Variants in ZMAT5 observed in about 807,000 individuals in gnomAD.
ZMAT5 encodes the protein zinc finger matrin-type protein 5.
A neutral mutation model predicts 28.0 loss-of-function variants in ZMAT5; 23 were observed. That is an observed-to-expected ratio of 0.82 (90% confidence interval 0.59 to 1.16). ZMAT5 has a LOEUF of 1.16. Among genes scored for constraint, ZMAT5 ranks in the 50% most tolerant of loss-of-function variants. The pLI is 0.00. For synonymous variants in ZMAT5, 76 were observed against 84.1 expected, an observed-to-expected ratio of 0.90 and a Z score of 0.52; for missense variants, 173 against 212.7, an observed-to-expected ratio of 0.81 and a Z score of 1.16.
At chr22:29,737,595 C>G (rs938897944) in intron 5 of ZMAT5, among the ~76,000 whole-genome samples, 5 of 152,200 alleles carry the variant, frequency 3.3e-5, no homozygotes, top group African/African-American at 1.2e-4. Flanking sequence ...GCATGCGGCT[C>G]CTGGGCGCAG....
intron 2 of ZMAT5, chr22:29,746,903 G>A (rs932715556): frequency 1.3e-5 from 2 of 152,100 alleles, no homozygotes; most frequent in East Asian, 1.9e-4. Flanking sequence ...TAACACCAGG[G>A]TTAGAGTCTC....
At chr22:29,754,596 TGC>T (rs2068082631) in intron 1 of ZMAT5, among the ~76,000 whole-genome samples, 1 of 152,192 alleles carries the variant, frequency 6.6e-6, no homozygotes, top group Admixed American at 6.5e-5. Context: ...AGTAGCCAGC[TGC>T]AATGGCTCAG....
chr22:29,732,476 G>A lies in ZMAT5; in HGVS notation c.384-1122C>T, dbSNP rs562846510. Among the ~76,000 whole-genome samples the A allele has an allele frequency of 5.3e-5, 8 of 152,268 alleles. No individual in the cohort carries two copies. In the South Asian group the frequency reaches 1.7e-3, roughly 32 times the overall value. On this transcript the variant is annotated intron_variant, in intron 5 of 5. Coordinates refer to ENST00000344318, the MANE Select transcript of ZMAT5 (RefSeq NM_001003692.2). ...ACATTGGCCGGGCGCAGTGACTCAC[G>A]CCTGTAATCCCAGCGCTTTGGGAGG...
intron 1 of ZMAT5, among the ~76,000 whole-genome samples, chr22:29,761,425 A>T (rs928955302): frequency 1.4e-4 from 21 of 152,212 alleles, no homozygotes; most frequent in African/African-American, 3.1e-4. Context: ...AATAATTTTT[A>T]AAAAATTAGC....
At chr22:29,758,520 G>C (rs1025811296) in intron 1 of ZMAT5, among the ~76,000 whole-genome samples, 5 of 151,990 alleles carry the variant, frequency 3.3e-5, no homozygotes, top group Non-Finnish European at 7.4e-5. Context: ...CTACTTGGGG[G>C]GCTGAGGTGG....
chr22:29,742,501 G>A lies in ZMAT5; in HGVS notation c.128-21C>T, dbSNP rs777960424. On this transcript the variant is annotated intron_variant, in intron 2 of 5. Coordinates refer to ENST00000344318, the MANE Select transcript of ZMAT5 (RefSeq NM_001003692.2). ...TGCATCTGCGAGAGAAGAGAGGGAC[G>A]GGATTCGGATGGTTCAGGCTCCACC... 1.1e-5 allele frequency: 18 copies of A among 1,610,826 alleles called. No homozygotes were observed. In the East Asian group the frequency reaches 1.3e-4, roughly 12 times the overall value.
chr22:29,734,344 G>A (rs2067883657), intron 5 of ZMAT5, among the ~76,000 whole-genome samples: 1 of 152,238 alleles, frequency 6.6e-6, no homozygotes, highest in Non-Finnish European at 1.5e-5. Flanking sequence ...CTCAGCCAGC[G>A]GAGGTTGGAG....
chr22:29,763,962 T>G (rs1040828003), intron 1 of ZMAT5, among the ~76,000 whole-genome samples: 1 of 150,946 alleles, frequency 6.6e-6, no homozygotes, highest in Non-Finnish European at 1.5e-5. Flanking sequence ...AAAATAATAA[T>G]AGTAATAATA....
At chr22:29,741,969 C>T (rs1246028717) in intron 3 of ZMAT5, among the ~76,000 whole-genome samples, 4 of 152,098 alleles carry the variant, frequency 2.6e-5, no homozygotes, top group African/African-American at 9.7e-5. Context: ...TCTCTCTGAC[C>T]TATATGCATC....
intron 1 of ZMAT5, among the ~76,000 whole-genome samples, chr22:29,759,030 AGACT>A (rs2068130629): frequency 6.6e-6 from 1 of 152,168 alleles, no homozygotes; most frequent in African/African-American, 2.4e-5. Flanking sequence ...CCCTGGATGA[AGACT>A]GACAAGGCAA....
intron 4 of ZMAT5, among the ~76,000 whole-genome samples, chr22:29,739,829 A>G (rs2067944779): frequency 6.6e-6 from 1 of 152,262 alleles, no homozygotes; most frequent in African/African-American, 2.4e-5. Flanking sequence ...GGCTGCAGCC[A>G]CAGCACCACT....
At chr22:29,733,277 C>T (rs1267701085) in intron 5 of ZMAT5, among the ~76,000 whole-genome samples, 2 of 152,220 alleles carry the variant, frequency 1.3e-5, no homozygotes, top group Non-Finnish European at 2.9e-5. Context: ...CAGTGGCCAG[C>T]CCTCTGCAGA....
chr22:29,758,439 G>C (rs2068124431), intron 1 of ZMAT5, among the ~76,000 whole-genome samples: 1 of 152,188 alleles, frequency 6.6e-6, no homozygotes, highest in African/African-American at 2.4e-5. Context: ...AACATAGTAA[G>C]ACCCTATCTC....
intron 1 of ZMAT5, among the ~76,000 whole-genome samples, chr22:29,754,406 G>T (rs79282051): frequency 0.071 from 10,760 of 152,288 alleles, 456 homozygotes; most frequent in Non-Finnish European, 0.088. Context: ...AAGGGGCAGC[G>T]GGCAAGGCTA....
intron 2 of ZMAT5, chr22:29,747,969 C>T (rs548913860): frequency 2.0e-5 from 5 of 253,288 alleles, no homozygotes; most frequent in South Asian, 1.8e-4. Flanking sequence ...CCCACCTCCG[C>T]CCCCTGCTTA....
Position 29,766,944 on chromosome 22 carries a change from G to C in ZMAT5, c.-100C>G, listed in dbSNP as rs1347257510. On this transcript the variant is annotated 5_prime_UTR_variant, in exon 1 of 6. Coordinates refer to ENST00000344318, the MANE Select transcript of ZMAT5 (RefSeq NM_001003692.2). ...ACTCGCCCCTCGACGTCTCGCGGAAGGTACCTGGCTCCCCGGTGGCTGCAG... is the reference window on the plus strand; with the variant it reads ...ACTCGCCCCTCGACGTCTCGCGGAACGTACCTGGCTCCCCGGTGGCTGCAG... 1 of 156,860 alleles carries C rather than the reference G, an allele frequency of 6.4e-6. No individual in the cohort carries two copies. Among genetic ancestry groups the C allele is most frequent in the Non-Finnish European group, 1.4e-5 (1 of 70,376 alleles). 9.7% of individuals were successfully genotyped at this position (156,860 alleles called of 1,614,324 possible).
chr22:29,748,256 T>C lies in ZMAT5; in HGVS notation c.127+162A>G, dbSNP rs899439770. On this transcript the variant is annotated intron_variant, in intron 2 of 5. Coordinates refer to ENST00000344318, the MANE Select transcript of ZMAT5 (RefSeq NM_001003692.2). The stretch of plus-strand genomic sequence containing the variant: ...AGCGTTGTTGGGGAAAGAGCTCACC[T>C]ACCAGCCTGCTCCTCTGAGGGCCCA... 4.1e-6 allele frequency: 4 copies of C among 971,266 alleles called. No homozygotes were observed. The African/African-American group carries it at 6.5e-5, about 16-fold the overall frequency. The allele number at this position is 971,266 out of a possible 1,614,324, so 60.2% of individuals were successfully genotyped here. A position where few individuals can be genotyped will look rare whatever the true frequency, so the allele number is the denominator to read the frequency against.
intron 1 of ZMAT5, among the ~76,000 whole-genome samples, chr22:29,766,041 T>G (rs894621823): frequency 1.3e-5 from 2 of 152,032 alleles, no homozygotes; most frequent in Non-Finnish European, 2.9e-5. Context: ...AAGACAAGAC[T>G]CCTTGGCCAG....
rs146041599 is a variant in ZMAT5, at chr22:29,734,154, C to T, written c.384-2800G>A. Among the ~76,000 whole-genome samples, 11 of 152,334 alleles carry T rather than the reference C, an allele frequency of 7.2e-5. No homozygotes were observed. The East Asian group carries it at 2.1e-3, about 29-fold the overall frequency. ...GAAGAGCCAACAATGGGCAGCAGGG[C>T]CAGGCCTGGCCTTGCCGAGGGATTA... On this transcript the variant is annotated intron_variant, in intron 5 of 5. Coordinates refer to ENST00000344318, the MANE Select transcript of ZMAT5 (RefSeq NM_001003692.2).
Sources: gnomAD v4.1 joint callset for allele counts (sites outside exome capture counted in the v4.1 genomes callset) on GRCh38, gnomAD v4.1.1 for gene constraint, MANE v1.5 for transcripts, NCBI Gene and HGNC (gene_info 2026-07-23, HGNC 2026-07-21) for gene names.